Variants in PHF20 observed in about 807,000 individuals in gnomAD.
PHF20 encodes glioma-expressed antigen 2.
In PHF20, 23 loss-of-function variants were observed where a neutral mutation model predicts 113.5. The ratio of observed to expected loss-of-function variants is 0.20; its 90% confidence interval spans 0.15 to 0.29. The LOEUF (loss-of-function observed/expected upper bound fraction) is 0.29. Among genes scored for constraint, PHF20 ranks in the 10% least tolerant of loss-of-function variants. The pLI is 1.00. For synonymous variants in PHF20, 434 were observed against 457.3 expected, an observed-to-expected ratio of 0.95 and a Z score of 0.65; for missense variants, 943 against 1,219.6, an observed-to-expected ratio of 0.77 and a Z score of 3.38.
At chr20:35,840,438 G>C (rs1045155227) in intron 2 of PHF20, among the ~76,000 whole-genome samples, 1 of 152,118 alleles carries the variant, frequency 6.6e-6, no homozygotes, top group African/African-American at 2.4e-5. Context: ...AACCACAAAA[G>C]GATTTAACGT....
Position 35,912,131 on chromosome 20 carries a change from C to G in PHF20, c.1562-1118C>G, listed in dbSNP as rs534514912. Reference sequence around the variant, plus strand: ...GAGTAGCTGGGATTACAGGCACACACCACCAGACCCAGCTAATTTTTGTAT... The same window carrying G: ...GAGTAGCTGGGATTACAGGCACACAGCACCAGACCCAGCTAATTTTTGTAT... On this transcript the variant is annotated intron_variant, in intron 10 of 17. Coordinates refer to ENST00000374012, the MANE Select transcript of PHF20 (RefSeq NM_016436.5). Among the ~76,000 whole-genome samples the G allele has an allele frequency of 1.3e-3, 203 of 152,212 alleles. 2 individuals are homozygous for G. In the South Asian group the frequency reaches 0.015, roughly 11 times the overall value.
chr20:35,810,015 C>T (rs950486439), intron 2 of PHF20, among the ~76,000 whole-genome samples: 2 of 152,076 alleles, frequency 1.3e-5, no homozygotes, highest in Non-Finnish European at 2.9e-5. Flanking sequence ...CTGCAACCTC[C>T]GCCTCCTGAG....
chr20:35,915,398 T>A (rs932694649), intron 12 of PHF20, among the ~76,000 whole-genome samples: 1 of 151,946 alleles, frequency 6.6e-6, no homozygotes, highest in Non-Finnish European at 1.5e-5. Flanking sequence ...GCTTTGTTTT[T>A]GTTTTTGAGA....
chr20:35,891,536 G>A (rs2054860851), intron 9 of PHF20, among the ~76,000 whole-genome samples: 1 of 152,190 alleles, frequency 6.6e-6, no homozygotes, highest in Admixed American at 6.5e-5. Flanking sequence ...TCTGCTGAGA[G>A]ACCGGGGTGA....
At chr20:35,837,590 T>C (rs748580158) in intron 2 of PHF20, among the ~76,000 whole-genome samples, 15 of 152,248 alleles carry the variant, frequency 9.9e-5, no homozygotes, top group Non-Finnish European at 2.1e-4. Context: ...CCAGATAAAA[T>C]TGCTATTTTG....
intron 5 of PHF20, among the ~76,000 whole-genome samples, chr20:35,861,587 C>T (rs1360836336): frequency 1.3e-5 from 2 of 151,998 alleles, no homozygotes; most frequent in East Asian, 3.9e-4. Context: ...ATTTGTAAAT[C>T]CAGGTACACA....
At chr20:35,787,555 C>G (rs2041447808) in intron 1 of PHF20, among the ~76,000 whole-genome samples, 1 of 146,200 alleles carries the variant, frequency 6.8e-6, no homozygotes, top group Non-Finnish European at 1.5e-5. Context: ...GTGGCACAAT[C>G]TCTGCTCACT....
chr20:35,837,210 A>G (rs2042458501), intron 2 of PHF20, among the ~76,000 whole-genome samples: 1 of 152,146 alleles, frequency 6.6e-6, no homozygotes, highest in Non-Finnish European at 1.5e-5. Context: ...AACAAAAAAA[A>G]CACAAAACCC....
intron 2 of PHF20, among the ~76,000 whole-genome samples, chr20:35,822,180 A>G (rs566129382): frequency 6.6e-6 from 1 of 152,144 alleles, no homozygotes; most frequent in South Asian, 2.1e-4. Context: ...AAGACGGAAG[A>G]TCGCTTGAAT....
chr20:35,798,665 G>A (rs1251126613), intron 1 of PHF20, among the ~76,000 whole-genome samples: 4 of 151,604 alleles, frequency 2.6e-5, no homozygotes, highest in South Asian at 2.1e-4. Context: ...TGTTGGTTAG[G>A]CTGGTCTCAA....
rs184533314 is a variant in PHF20, at chr20:35,773,822, G to C, written c.-33+1743G>C. Among the ~76,000 whole-genome samples the C allele has an allele frequency of 2.0e-4, 31 of 152,216 alleles. 1 individual carries two copies. The South Asian group carries it at 6.4e-3, about 32-fold the overall frequency. ...TCCTCCTGGTGGTTTACTTCTAGAAGACCTAAGATTCTGTTTAGGTGCATA... is the reference window on the plus strand; with the variant it reads ...TCCTCCTGGTGGTTTACTTCTAGAACACCTAAGATTCTGTTTAGGTGCATA... On this transcript the variant is annotated intron_variant, in intron 1 of 17. Coordinates refer to ENST00000374012, the MANE Select transcript of PHF20 (RefSeq NM_016436.5).
At chr20:35,842,439 A>C in intron 2 of PHF20, 134 bp from the exon 3 acceptor site, 2 of 724,868 alleles carry the variant, frequency 2.8e-6, no homozygotes, top group East Asian at 5.2e-5. Context: ...ATTTGACCCA[A>C]CTACACAGAG....
At chr20:35,865,451 GT>G (rs2054298437) in intron 6 of PHF20, among the ~76,000 whole-genome samples, 1 of 144,514 alleles carries the variant, frequency 6.9e-6, no homozygotes, top group Admixed American at 6.9e-5. Context: ...TTTTTTTAAA[GT>G]ACTGGATTAA....
intron 9 of PHF20, among the ~76,000 whole-genome samples, chr20:35,887,297 A>G (rs2054752307): frequency 6.6e-6 from 1 of 152,148 alleles, no homozygotes; most frequent in South Asian, 2.1e-4. Flanking sequence ...GAAACAACAC[A>G]TTTGTTTTCT....
chr20:35,859,542 T>A (rs547203516), intron 5 of PHF20, among the ~76,000 whole-genome samples: 120 of 151,628 alleles, frequency 7.9e-4, no homozygotes, highest in Admixed American at 2.3e-3. Flanking sequence ...GTGTCTTTGG[T>A]TTTTGGTTTT....
chr20:35,871,293 A>T (rs1395496167), intron 8 of PHF20, among the ~76,000 whole-genome samples, 159 bp downstream of exon 8: 1 of 152,216 alleles, frequency 6.6e-6, no homozygotes, highest in African/African-American at 2.4e-5. Context: ...CTCTTCACTG[A>T]TGATTTATTC....
chr20:35,774,274 G>C (rs1287153365), intron 1 of PHF20, among the ~76,000 whole-genome samples: 2 of 151,762 alleles, frequency 1.3e-5, no homozygotes, highest in Admixed American at 6.6e-5. Flanking sequence ...TAGTAGAGAC[G>C]GGGTTTCACT....
At chr20:35,866,395 A>G (rs2054321472) in intron 6 of PHF20, among the ~76,000 whole-genome samples, 1 of 152,126 alleles carries the variant, frequency 6.6e-6, no homozygotes, top group South Asian at 2.1e-4. Flanking sequence ...GAATGGTACT[A>G]GCTGTATACC....
chr20:35,877,406 T>C (rs2054549321), intron 9 of PHF20, among the ~76,000 whole-genome samples: 3 of 150,612 alleles, frequency 2.0e-5, no homozygotes, highest in African/African-American at 4.9e-5. Context: ...TAAGTGCCAA[T>C]GCCAGACCCT....
Sources: allele counts gnomAD v4.1 joint callset (sites outside exome capture counted in the v4.1 genomes callset), GRCh38; gene constraint gnomAD v4.1.1; transcripts MANE v1.5; gene names NCBI Gene and HGNC (gene_info 2026-07-23, HGNC 2026-07-21).